The following FTO variants were observed in gnomAD, a reference collection of about 807,000 sequenced individuals.
FTO encodes the protein FTO alpha-ketoglutarate dependent dioxygenase, also known as alpha-ketoglutarate-dependent dioxygenase FTO.
FTO carries 47 observed loss-of-function variants against 63.9 expected under a neutral mutation model. The observed-to-expected ratio is 0.74, with a 90% CI of 0.58 to 0.94. FTO has a LOEUF of 0.94. FTO is among the 40% of genes least tolerant of loss of function. The pLI is 0.00. For missense variants in FTO, 562 were observed against 618.1 expected (o/e 0.91, Z 0.96); for synonymous variants, 207 against 224.4 (o/e 0.92, Z 0.69).
At chr16:53,703,995 TC>T, upstream of FTO, 2 of 672,266 alleles carry the variant, frequency 3.0e-6, no homozygotes, top group Non-Finnish European at 5.4e-6. Context: ...CCTGGGAAAT[TC>T]TCCTGTGCTA....
intron 8 of FTO, among the ~76,000 whole-genome samples, chr16:53,938,761 G>C (rs2082450624): frequency 6.6e-6 from 1 of 152,128 alleles, no homozygotes; most frequent in African/African-American, 2.4e-5. Flanking sequence ...GTATTTAATG[G>C]TAGATGTCTT....
At chr16:54,086,604 A>G (rs796630120) in intron 8 of FTO, among the ~76,000 whole-genome samples, 27 of 152,320 alleles carry the variant, frequency 1.8e-4, no homozygotes, top group African/African-American at 6.5e-4. Context: ...GTCCCAACCC[A>G]TTTGTATTAA....
chr16:53,741,791 G>T (rs1256193465), intron 1 of FTO, among the ~76,000 whole-genome samples: 2 of 152,074 alleles, frequency 1.3e-5, no homozygotes, highest in Non-Finnish European at 2.9e-5. Flanking sequence ...AATTTCTATG[G>T]GTCATGAGTC....
chr16:53,708,241 C>G (rs1266797034), intron 1 of FTO, among the ~76,000 whole-genome samples: 3 of 152,240 alleles, frequency 2.0e-5, no homozygotes, highest in Admixed American at 1.3e-4. Context: ...TGGCACATGC[C>G]TGTAATTCTA....
intron 1 of FTO, among the ~76,000 whole-genome samples, chr16:53,789,619 A>G (rs928454855): frequency 7.9e-5 from 12 of 152,254 alleles, no homozygotes; most frequent in African/African-American, 2.9e-4. Context: ...TGTCAATTGC[A>G]TATGAATGTT....
chr16:54,054,619 C>T (rs1459893337), intron 8 of FTO: 2 of 152,118 alleles, frequency 1.3e-5, no homozygotes, highest in Non-Finnish European at 2.9e-5. Flanking sequence ...ACCGGTAGTC[C>T]AGATTTGTAA....
At chr16:53,910,252 G>C (rs542627209) in intron 7 of FTO, among the ~76,000 whole-genome samples, 7 of 152,124 alleles carry the variant, frequency 4.6e-5, no homozygotes, top group African/African-American at 1.2e-4. Context: ...ACAAGTAGAG[G>C]GGGGAGAATG....
At chr16:53,934,997 A>G (rs1207689247) in intron 8 of FTO, among the ~76,000 whole-genome samples, 1 of 152,202 alleles carries the variant, frequency 6.6e-6, no homozygotes, top group East Asian at 1.9e-4. Context: ...ATCAGTTTTT[A>G]CAGAACTGAT....
intron 8 of FTO, among the ~76,000 whole-genome samples, chr16:53,975,664 T>C (rs1379799653): frequency 8.1e-6 from 1 of 123,494 alleles, no homozygotes; most frequent in Non-Finnish European, 1.7e-5. Flanking sequence ...CATTCTACAG[T>C]CCTCAAAAAA....
intron 1 of FTO, among the ~76,000 whole-genome samples, chr16:53,759,693 C>CAAAAAAAAAA (rs758376530): frequency 3.5e-5 from 1 of 28,512 alleles, no homozygotes; most frequent in African/African-American, 1.6e-4. Context: ...GACTCCTTCT[C>CAAAAAAAAAA]AAAAAAAAAA....
At position 53,873,778 on chromosome 16, in the gene FTO, T is replaced by C; in HGVS notation, c.896-8T>C. On this transcript the variant is annotated splice_region_variant and splice_polypyrimidine_tract_variant and intron_variant, in intron 4 of 8. Coordinates refer to ENST00000471389, the MANE Select transcript of FTO (RefSeq NM_001080432.3). ...TGGTTTTATACATTTCTGGTGTTTT[T>C]CCTGTAGATGATCTCAATGCCACCC... 6.2e-7 allele frequency: 1 copy of C among 1,611,430 alleles called. No homozygotes were observed. Among genetic ancestry groups the C allele is most frequent in the South Asian group, 1.1e-5 (1 of 91,046 alleles).
intron 1 of FTO, among the ~76,000 whole-genome samples, chr16:53,792,826 G>A (rs2077961317): frequency 6.6e-6 from 1 of 152,162 alleles, no homozygotes; most frequent in Admixed American, 6.5e-5. Flanking sequence ...TCTTGGAAAT[G>A]TCAAGGGGTG....
At chr16:53,864,718 A>T (rs2151860846) in intron 4 of FTO, among the ~76,000 whole-genome samples, 1 of 152,166 alleles carries the variant, frequency 6.6e-6, no homozygotes, top group Non-Finnish European at 1.5e-5. Flanking sequence ...TCTTTAATTT[A>T]TTTTTTCTAA....
At chr16:53,838,438 G>A (rs2079368624) in intron 3 of FTO, among the ~76,000 whole-genome samples, 1 of 151,932 alleles carries the variant, frequency 6.6e-6, no homozygotes, top group Admixed American at 6.6e-5. Flanking sequence ...AGCCTTCTGA[G>A]TAGCTGGGAT....
At chr16:54,036,137 T>A (rs1156615913) in intron 8 of FTO, among the ~76,000 whole-genome samples, 2 of 152,208 alleles carry the variant, frequency 1.3e-5, no homozygotes, top group Non-Finnish European at 2.9e-5. Flanking sequence ...GGTTGGTGGA[T>A]TAAGGCAAAG....
intron 8 of FTO, among the ~76,000 whole-genome samples, chr16:54,100,196 A>C (rs1227943461): frequency 1.3e-5 from 2 of 152,220 alleles, no homozygotes; most frequent in African/African-American, 4.8e-5. Flanking sequence ...TTCGAATCAG[A>C]CAATTTTGGC....
At chr16:54,017,696 C>T (rs1215590247) in intron 8 of FTO, among the ~76,000 whole-genome samples, 3 of 152,056 alleles carry the variant, frequency 2.0e-5, no homozygotes, top group African/African-American at 7.2e-5. Context: ...TAATCATCTC[C>T]TTTTAAAAAA....
At chr16:53,789,503 T>C (rs1404258250) in intron 1 of FTO, among the ~76,000 whole-genome samples, 1 of 152,186 alleles carries the variant, frequency 6.6e-6, no homozygotes, top group Non-Finnish European at 1.5e-5. Context: ...TATTAACATT[T>C]TTTTCTGTTC....
intron 2 of FTO, among the ~76,000 whole-genome samples, chr16:53,818,637 C>T (rs963634221): frequency 6.6e-6 from 1 of 150,500 alleles, no homozygotes; most frequent in Non-Finnish European, 1.5e-5. Context: ...AAACTTTTGG[C>T]TATCTTTTTA....
Sources: allele counts gnomAD v4.1 joint callset (sites outside exome capture counted in the v4.1 genomes callset), GRCh38; gene constraint gnomAD v4.1.1; transcripts MANE v1.5; gene names NCBI Gene and HGNC (gene_info 2026-07-23, HGNC 2026-07-21).